PCDHGA3: variants seen among roughly 807,000 people sequenced by gnomAD.
PCDHGA3 encodes the protein protocadherin gamma-A3.
Under a neutral mutation model 58.5 loss-of-function variants are expected in PCDHGA3, and 40 were observed. The ratio of observed to expected loss-of-function variants is 0.68; its 90% CI spans 0.53 to 0.89. PCDHGA3 has a LOEUF of 0.89. Ranked by LOEUF, PCDHGA3 falls within the 40% of genes least tolerant of loss-of-function variation. PCDHGA3 has a pLI of 0.00. For synonymous variants in PCDHGA3, 530 were observed against 525.7 expected, an observed-to-expected ratio of 1.01 and a Z score of -0.11; for missense variants, 1,223 against 1,195.9, an observed-to-expected ratio of 1.02 and a Z score of -0.33.
chr5:141,460,027 G>A (rs1002703325), intron 1 of PCDHGA3, among the ~76,000 whole-genome samples: 3 of 152,088 alleles, frequency 2.0e-5, no homozygotes, highest in East Asian at 1.9e-4. Flanking sequence ...GCAGTGAGCC[G>A]AGACTGCACC....
intron 1 of PCDHGA3, chr5:141,424,767 A>T (rs139479155): frequency 2.9e-4 from 44 of 152,290 alleles, no homozygotes; most frequent in African/African-American, 1.0e-3. Flanking sequence ...TTCTTATGGC[A>T]AATAGTACAT....
At chr5:141,395,542 T>TTGTTTGTTTG (rs1267535064) in intron 1 of PCDHGA3, 1 of 168,708 alleles carries the variant, frequency 5.9e-6, no homozygotes, top group African/African-American at 5.7e-5. Context: ...TTGCTATTGT[T>TTGTTTGTTTG]TGTGTGTGTG....
rs759839362 is a variant in PCDHGA3 at position 141,351,387 on chromosome 5, G to T, written c.2424+4930G>T. 8 of 1,611,986 alleles carry T rather than the reference G, an allele frequency of 5.0e-6. No individual in the cohort carries two copies. The South Asian group carries it at 7.7e-5, about 16-fold the overall frequency. On this transcript the variant is annotated intron_variant, in intron 1 of 3. Transcript: ENST00000253812. ...CGAGACAAGGATTCTGGGCAAAATG[G>T]CATGGTGACATGCTATACTCAGGAA...
At chr5:141,362,351 T>G (rs750661009) in intron 1 of PCDHGA3, 1 of 1,613,920 alleles carries the variant, frequency 6.2e-7, no homozygotes, top group East Asian at 2.2e-5. Context: ...GGACCTGGGG[T>G]TCTCCCCAAT....
In PCDHGA3 at chr5:141,415,292, G is replaced by T. The variant is rs778092218; in HGVS notation, c.2424+68835G>T. The T allele has an allele frequency of 1.7e-5, 28 of 1,614,082 alleles. No individual in the cohort carries two copies. Among genetic ancestry groups the T allele is most frequent in the Non-Finnish European group, 2.3e-5 (27 of 1,180,046 alleles). Reference sequence around the variant, plus strand: ...GTGGTAGCGGTGGCCGCGGTCTCCTGCGTCTTCCTGGCCTTCGTCATCGTG... The same window carrying T: ...GTGGTAGCGGTGGCCGCGGTCTCCTTCGTCTTCCTGGCCTTCGTCATCGTG... On this transcript the variant is annotated intron_variant, in intron 1 of 3. Coordinates refer to ENST00000253812, the MANE Select transcript of PCDHGA3 (RefSeq NM_018916.4).
intron 1 of PCDHGA3, chr5:141,371,262 C>A (rs368232567): frequency 1.9e-6 from 3 of 1,614,000 alleles, no homozygotes; most frequent in South Asian, 1.1e-5. Context: ...GGAAGTGAGA[C>A]AACTGTTCAA....
chr5:141,351,561 T>C (rs767147157), intron 1 of PCDHGA3: 1 of 1,614,004 alleles, frequency 6.2e-7, no homozygotes, highest in South Asian at 1.1e-5. Flanking sequence ...AGGACAAGCA[T>C]CACCCTGCAC....
At chr5:141,445,339 A>G (rs1450773291) in intron 1 of PCDHGA3, among the ~76,000 whole-genome samples, 1 of 152,152 alleles carries the variant, frequency 6.6e-6, no homozygotes, top group Non-Finnish European at 1.5e-5. Context: ...GAAACAGTAA[A>G]CATTGGTGTC....
chr5:141,370,898 G>A, intron 1 of PCDHGA3: 1 of 1,614,062 alleles, frequency 6.2e-7, no homozygotes, highest in African/African-American at 1.3e-5. Flanking sequence ...ATTCGCTGCA[G>A]CAGTACTACC....
At chr5:141,391,727 TTTGTAGTCATACTTA>T (rs1212107227) in intron 1 of PCDHGA3, 1 of 152,206 alleles carries the variant, frequency 6.6e-6, no homozygotes. Context: ...AACAGACTTT[TTTGTAGTCATACTTA>T]TCCTTTGGCT....
In PCDHGA3 at chr5:141,372,016, C is replaced by T. The variant is rs565981965; in HGVS notation, c.2424+25559C>T. 121 of 1,613,374 alleles carry T rather than the reference C, an allele frequency of 7.5e-5. 1 individual carries two copies. The South Asian group carries it at 1.3e-3, about 17-fold the overall frequency. On this transcript the variant is annotated intron_variant, in intron 1 of 3. Coordinates refer to ENST00000253812, the MANE Select transcript of PCDHGA3 (RefSeq NM_018916.4). Reference sequence around the variant, plus strand: ...CAGGCCCGCGACCAGGGCTCGCCTACGCTCAGCGCCAACGTGAGCCTGCGC... The same window carrying T: ...CAGGCCCGCGACCAGGGCTCGCCTATGCTCAGCGCCAACGTGAGCCTGCGC...
intron 1 of PCDHGA3, chr5:141,362,281 C>T: frequency 2.4e-5 from 39 of 1,614,016 alleles, no homozygotes; most frequent in Non-Finnish European, 3.2e-5. Context: ...CCTGCGCCTG[C>T]GACTCTCTTC....
chr5:141,458,104 A>G (rs969775517), intron 1 of PCDHGA3, among the ~76,000 whole-genome samples: 6 of 152,232 alleles, frequency 3.9e-5, no homozygotes, highest in Non-Finnish European at 8.8e-5. Flanking sequence ...ACTTACAGAT[A>G]GTCTCCAAAT....
intron 1 of PCDHGA3, chr5:141,421,791 TG>T (rs1561796446): frequency 6.2e-7 from 1 of 1,613,792 alleles, no homozygotes; most frequent in Non-Finnish European, 8.5e-7. Flanking sequence ...GCAGAACGGA[TG>T]GGGCCAAGAA....
intron 1 of PCDHGA3, chr5:141,442,111 C>A: frequency 6.0e-6 from 1 of 166,354 alleles, no homozygotes; most frequent in Non-Finnish European, 1.3e-5. Context: ...CACTACCGCC[C>A]CTCGTCGCCG....
At chr5:141,374,879 G>A in intron 1 of PCDHGA3, 1 of 1,613,694 alleles carries the variant, frequency 6.2e-7, no homozygotes, top group Non-Finnish European at 8.5e-7. Flanking sequence ...GGCAGTGACT[G>A]CCACCGACCA....
chr5:141,472,339 A>T (rs1330302365), intron 1 of PCDHGA3, among the ~76,000 whole-genome samples: 1 of 151,906 alleles, frequency 6.6e-6, no homozygotes, highest in Non-Finnish European at 1.5e-5. Flanking sequence ...TGGGAGATCG[A>T]GACCATCCTG....
chr5:141,438,760 C>T (rs1346379482), intron 1 of PCDHGA3, among the ~76,000 whole-genome samples: 4 of 148,802 alleles, frequency 2.7e-5, no homozygotes, highest in South Asian at 2.1e-4. Context: ...CTCCTGGGTT[C>T]AAGCGATTCT....
intron 1 of PCDHGA3, chr5:141,385,756 T>A: frequency 5.6e-6 from 1 of 179,052 alleles, no homozygotes; most frequent in Non-Finnish European, 1.1e-5. Flanking sequence ...GATTTTTTTC[T>A]GTGGCTGATT....
Sources: gnomAD v4.1 joint callset for allele counts (sites outside exome capture counted in the v4.1 genomes callset) on GRCh38, gnomAD v4.1.1 for gene constraint, MANE v1.5 for transcripts, NCBI Gene and HGNC (gene_info 2026-07-23, HGNC 2026-07-21) for gene names.